The following NSD2 variants were observed in gnomAD, a reference collection of about 807,000 sequenced individuals.
NSD2 encodes histone-lysine N-methyltransferase NSD2.
Under a neutral mutation model 139.0 loss-of-function variants are expected in NSD2, and 12 were observed. That is an observed-to-expected ratio of 0.09 (90% CI 0.06 to 0.14). The LOEUF is 0.14. Among genes scored for constraint, NSD2 ranks in the 10% least tolerant of loss-of-function variants. The pLI is 1.00. For missense variants in NSD2, 1,155 were observed against 1,745.0 expected, an observed-to-expected ratio of 0.66 and a Z score of 6.02; for synonymous variants, 669 against 648.7, an observed-to-expected ratio of 1.03 and a Z score of -0.48.
At chr4:1,904,434 C>A in intron 3 of NSD2, 56 bp downstream of exon 3, 1 of 1,530,174 alleles carries the variant, frequency 6.5e-7, no homozygotes, top group Admixed American at 2.0e-5. Flanking sequence ...TAATCTTTCT[C>A]ATCTCCAGGC....
chr4:1,875,798 A>G (rs868794443), intron 1 of NSD2, among the ~76,000 whole-genome samples: 5 of 151,016 alleles, frequency 3.3e-5, no homozygotes, highest in Non-Finnish European at 2.9e-5. Flanking sequence ...AGTCCCAGCT[A>G]CTCGGGAGGC....
intron 1 of NSD2, among the ~76,000 whole-genome samples, chr4:1,877,696 A>G (rs1714362796): frequency 6.6e-6 from 1 of 152,004 alleles, no homozygotes; most frequent in African/African-American, 2.4e-5. Context: ...TTCCAGCCAC[A>G]CGGGCCTCTT....
At chr4:1,902,734 A>G (rs1193777190) in intron 2 of NSD2, among the ~76,000 whole-genome samples, 1 of 152,184 alleles carries the variant, frequency 6.6e-6, no homozygotes, top group Admixed American at 6.5e-5. Flanking sequence ...AACAAACCAA[A>G]CAAAAAAATC....
At chr4:1,962,564 A>T (rs553694668) in intron 18 of NSD2, among the ~76,000 whole-genome samples, 12 of 152,336 alleles carry the variant, frequency 7.9e-5, no homozygotes, top group African/African-American at 2.6e-4. Context: ...AAATAGAAAA[A>T]GCAAATGTGG....
At chr4:1,908,587 G>A (rs1718246797) in intron 3 of NSD2, among the ~76,000 whole-genome samples, 1 of 152,196 alleles carries the variant, frequency 6.6e-6, no homozygotes, top group Non-Finnish European at 1.5e-5. Flanking sequence ...AAGGAAGTGA[G>A]CAGAACAAAG....
At chr4:1,935,662 C>A (rs1311924161) in intron 7 of NSD2, among the ~76,000 whole-genome samples, 1 of 152,110 alleles carries the variant, frequency 6.6e-6, no homozygotes, top group Non-Finnish European at 1.5e-5. Context: ...GAGTTCGAGA[C>A]CAGCCTGGCC....
chr4:1,909,253 T>G (rs1389111133), intron 3 of NSD2, among the ~76,000 whole-genome samples: 2 of 152,070 alleles, frequency 1.3e-5, no homozygotes, highest in East Asian at 3.8e-4. Context: ...TTGTACTGTT[T>G]TTCCCACCAC....
At chr4:1,977,790 C>CAAA (rs111398358) in intron 21 of NSD2, among the ~76,000 whole-genome samples, 4,364 of 95,942 alleles carry the variant, frequency 0.045, 228 homozygotes, top group African/African-American at 0.15. Flanking sequence ...AGACTCCACT[C>CAAA]AAAAAAAAAA....
At chr4:1,879,986 T>C (rs534904536) in intron 1 of NSD2, among the ~76,000 whole-genome samples, 4 of 152,144 alleles carry the variant, frequency 2.6e-5, no homozygotes, top group East Asian at 1.9e-4. Flanking sequence ...CCCTTTGATA[T>C]GTCTTCAGTG....
chr4:1,898,041 A>G (rs1716600434), intron 1 of NSD2, among the ~76,000 whole-genome samples: 1 of 151,764 alleles, frequency 6.6e-6, no homozygotes, highest in African/African-American at 2.4e-5. Context: ...TCTGGGTGGA[A>G]CTCCAGACCC....
chr4:1,921,655 G>A lies in NSD2; in HGVS notation c.1410+3032G>A, dbSNP rs535783194. Among the ~76,000 whole-genome samples, 5 of 151,348 alleles carry A rather than the reference G, an allele frequency of 3.3e-5. No individual in the cohort carries two copies. In the East Asian group the frequency reaches 5.8e-4, roughly 18 times the overall value. On this transcript the variant is annotated intron_variant, in intron 5 of 21. Transcript: ENST00000508803. ...AATTTTACCAGCTGTGGTGGCGAGC[G>A]CCTGTAATCCCAGCTACTTGAGAGG... is the stretch of plus-strand genomic sequence containing the variant.
At chr4:1,953,615 G>C in intron 12 of NSD2, 91 bp downstream of exon 12, 1 of 1,451,762 alleles carries the variant, frequency 6.9e-7, no homozygotes, top group African/African-American at 1.4e-5. Flanking sequence ...TGTTGGGATT[G>C]TCACCAAAGA....
At chr4:1,926,024 A>G (rs957379915) in intron 5 of NSD2, among the ~76,000 whole-genome samples, 73 of 151,896 alleles carry the variant, frequency 4.8e-4, no homozygotes, top group African/African-American at 1.7e-3. Context: ...TCTGGACTCA[A>G]ACTCCTGGCC....
chr4:1,969,985 G>A (rs1726279433), intron 18 of NSD2, among the ~76,000 whole-genome samples: 2 of 152,192 alleles, frequency 1.3e-5, no homozygotes, highest in Admixed American at 6.5e-5. Flanking sequence ...AGAACGGCAC[G>A]AAGGTGGATG....
At chr4:1,871,834 G>C (rs1440555140) in intron 1 of NSD2, among the ~76,000 whole-genome samples, 1 of 148,918 alleles carries the variant, frequency 6.7e-6, no homozygotes, top group African/African-American at 2.4e-5. Context: ...TCCGGGCAGG[G>C]GAGGGGCGGC....
intron 18 of NSD2, among the ~76,000 whole-genome samples, chr4:1,967,830 G>A (rs1036554230): frequency 6.6e-6 from 1 of 152,048 alleles, no homozygotes; most frequent in African/African-American, 2.4e-5. Flanking sequence ...ACAGGCAGCA[G>A]GTGGTTGGAT....
In NSD2 at chr4:1,891,822, A is replaced by G. The variant is rs1410981959; in HGVS notation, c.-29-8804A>G. 3.4e-5 allele frequency among the ~76,000 whole-genome samples: 5 copies of G among 149,234 alleles called. No homozygotes were observed. In the East Asian group the frequency reaches 5.9e-4, roughly 18 times the overall value. ...CAGTGAGCCGAGATCGCGCCATTGC[A>G]CTCCAGCCTGGGCGACAGAGGGAGA... is the stretch of plus-strand genomic sequence containing the variant. On this transcript the variant is annotated intron_variant, in intron 1 of 21. Coordinates refer to ENST00000508803, the MANE Select transcript of NSD2 (RefSeq NM_001042424.3).
At chr4:1,872,916 T>C (rs888324813) in intron 1 of NSD2, among the ~76,000 whole-genome samples, 5 of 152,192 alleles carry the variant, frequency 3.3e-5, no homozygotes, top group African/African-American at 9.7e-5. Context: ...TTAAATGTGA[T>C]GAGAACAACA....
chr4:1,898,647 G>A (rs1296746413), intron 1 of NSD2, among the ~76,000 whole-genome samples: 16 of 146,962 alleles, frequency 1.1e-4, no homozygotes, highest in Middle Eastern at 3.5e-3. Flanking sequence ...GTGACAGAGC[G>A]AGACTCCGTC....
Sources: gnomAD v4.1 joint callset for allele counts (sites outside exome capture counted in the v4.1 genomes callset) on GRCh38, gnomAD v4.1.1 for gene constraint, MANE v1.5 for transcripts, NCBI Gene and HGNC (gene_info 2026-07-23, HGNC 2026-07-21) for gene names.